The following MNS1 variants were observed in gnomAD, a reference collection of about 807,000 sequenced individuals.
MNS1 encodes the protein meiosis specific nuclear structural 1.
Under a neutral mutation model 72.0 loss-of-function variants are expected in MNS1, and 63 were observed. That is an observed-to-expected ratio of 0.87 (90% CI 0.71 to 1.08). MNS1 has a LOEUF of 1.08. MNS1 is among the 50% of genes least tolerant of loss of function. The pLI, the probability that MNS1 is intolerant of heterozygous loss-of-function variation, is 0.00. For synonymous variants in MNS1, 188 were observed against 172.1 expected, an observed-to-expected ratio of 1.09 and a Z score of -0.72; for missense variants, 604 against 562.4, an observed-to-expected ratio of 1.07 and a Z score of -0.75.
chr15:56,429,274 T>G, intron 9 of MNS1, 81 bp from the exon 10 acceptor site: 1 of 842,202 alleles, frequency 1.2e-6, no homozygotes, highest in Non-Finnish European at 1.9e-6. Context: ...AGACATAAGA[T>G]TAGTAAAGTT....
intron 2 of MNS1, 155 bp downstream of exon 2, chr15:56,463,871 C>T: frequency 1.6e-6 from 1 of 625,982 alleles, no homozygotes; most frequent in Admixed American, 3.2e-5. Context: ...GCTCCAGAAA[C>T]CCAGGTCTTT....
At chr15:56,452,415 G>A (rs2050953318) in intron 3 of MNS1, among the ~76,000 whole-genome samples, 1 of 152,120 alleles carries the variant, frequency 6.6e-6, no homozygotes. Context: ...GGTTCTTATT[G>A]GGGGTGGTAA....
chr15:56,461,681 A>AG (rs1567155192), intron 2 of MNS1, among the ~76,000 whole-genome samples: 2 of 146,966 alleles, frequency 1.4e-5, no homozygotes, highest in African/African-American at 2.5e-5. Context: ...AAAAAAAAAA[A>AG]ACGACACAGA....
In MNS1 at chr15:56,465,090, G is replaced by A; in HGVS notation, c.-118C>T. 4.3e-6 allele frequency: 6 copies of A among 1,402,706 alleles called. No homozygotes were observed. The South Asian group carries it at 5.1e-5, about 12-fold the overall frequency. 86.9% of individuals were successfully genotyped at this position (1,402,706 alleles called of 1,614,324 possible). A position where few individuals can be genotyped will look rare whatever the true frequency, so the allele number is the denominator to read the frequency against. ...GCTGCGCGCGCTCGGGTGTTTACGC[G>A]GCGTCTTGGCAACGGTGGAGCTGCG... is the stretch of plus-strand genomic sequence containing the variant. On this transcript the variant is annotated 5_prime_UTR_variant, in exon 1 of 10. Coordinates refer to ENST00000260453, the MANE Select transcript of MNS1 (RefSeq NM_018365.4).
At chr15:56,456,346 G>A in intron 3 of MNS1, 48 bp downstream of exon 3, 1 of 1,549,158 alleles carries the variant, frequency 6.5e-7, no homozygotes, top group Non-Finnish European at 8.7e-7. Context: ...TTACATAAGA[G>A]TTTAAAGATA....
At chr15:56,457,456 T>A (rs2050988580) in intron 2 of MNS1, among the ~76,000 whole-genome samples, 1 of 152,176 alleles carries the variant, frequency 6.6e-6, no homozygotes, top group Admixed American at 6.5e-5. Flanking sequence ...CAAGAAACTA[T>A]CACTCATATA....
At chr15:56,430,913 C>G (rs765962146) in intron 9 of MNS1, among the ~76,000 whole-genome samples, 34 of 152,178 alleles carry the variant, frequency 2.2e-4, no homozygotes, top group Non-Finnish European at 3.4e-4. Flanking sequence ...GCCCACCCAG[C>G]ACTTGGGGAG....
In MNS1 at chr15:56,446,934, A is replaced by G; in HGVS notation, c.363T>C (p.Leu121=). Reference sequence around the variant, plus strand: ...CTTTTAATTTCTTCTCCAATTCTCTAAGCTCAATGCTGTTTAAAAAAACAA... The same window carrying G: ...CTTTTAATTTCTTCTCCAATTCTCTGAGCTCAATGCTGTTTAAAAAAACAA... The part of the protein sequence containing the change: ...RQQVRENSIE[L]RELEKKLKAA... The change falls in exon 4 of 10, where the codon CTT becomes CTC. Residue 121 remains leucine, a synonymous_variant. Transcript: ENST00000260453. The G allele has an allele frequency of 1.9e-6, 3 of 1,607,156 alleles. No homozygotes were observed. The highest frequency in any genetic ancestry group is 1.7e-6 in the Non-Finnish European group (2 of 1,178,068).
chr15:56,433,664 G>C (rs192179379), intron 8 of MNS1, among the ~76,000 whole-genome samples: 1 of 152,116 alleles, frequency 6.6e-6, no homozygotes, highest in East Asian at 1.9e-4. Context: ...TACCTTCAAT[G>C]CTCTCACTTG....
In MNS1 at chr15:56,456,657, G is replaced by T. The variant is rs1305803372; in HGVS notation, c.226-136C>A. 4.4e-6 allele frequency: 4 copies of T among 902,378 alleles called. 1 individual carries two copies. Among genetic ancestry groups the T allele is most frequent in the South Asian group, 3.5e-5 (2 of 57,294 alleles). The allele number at this position is 902,378 out of a possible 1,614,324, so 55.9% of individuals were successfully genotyped here. ...GATGTTTTATTTTAAAATACAAAAT[G>T]TTGTTTCAATAAATACTTTTTCAAA... On this transcript the variant is annotated intron_variant, in intron 2 of 9. Coordinates refer to ENST00000260453, the MANE Select transcript of MNS1 (RefSeq NM_018365.4).
intron 2 of MNS1, among the ~76,000 whole-genome samples, chr15:56,461,966 T>TTTTTTG (rs1567155278): frequency 1.3e-5 from 1 of 78,240 alleles, no homozygotes; most frequent in Non-Finnish European, 2.5e-5. Context: ...AAAGTGTTTT[T>TTTTTTG]TTGTTGTTGT....
intron 7 of MNS1, among the ~76,000 whole-genome samples, chr15:56,439,151 C>G (rs2050778114): frequency 6.6e-6 from 1 of 151,980 alleles, no homozygotes; most frequent in African/African-American, 2.4e-5. Context: ...TACACGGACA[C>G]CAAAATAAAA....
At chr15:56,439,111 A>T (rs1297415618) in intron 7 of MNS1, among the ~76,000 whole-genome samples, 2 of 152,184 alleles carry the variant, frequency 1.3e-5, no homozygotes, top group African/African-American at 4.8e-5. Flanking sequence ...TACAAGATAA[A>T]CACAAAAATA....
At chr15:56,451,878 A>AT (rs113523896) in intron 3 of MNS1, among the ~76,000 whole-genome samples, 193 of 151,928 alleles carry the variant, frequency 1.3e-3, no homozygotes, top group African/African-American at 4.2e-3. Flanking sequence ...GATTGCCTAG[A>AT]TTTTTTTTTA....
chr15:56,444,220 T>C (rs547791771), intron 5 of MNS1, among the ~76,000 whole-genome samples: 327 of 152,204 alleles, frequency 2.1e-3, no homozygotes, highest in Admixed American at 5.5e-3. Flanking sequence ...AAGGTTTAGG[T>C]CATTCAATCA....
intron 1 of MNS1, 122 bp downstream of exon 1, chr15:56,464,848 T>C: frequency 7.1e-7 from 1 of 1,414,556 alleles, no homozygotes; most frequent in South Asian, 1.3e-5. Context: ...CGAAAGCAAA[T>C]ACAAGTTCCC....
In MNS1 at chr15:56,457,256, CTTTTA is replaced by C. The variant is rs1297739518; in HGVS notation, c.226-740_226-736del. 3.3e-5 allele frequency among the ~76,000 whole-genome samples: 5 copies of C among 152,152 alleles called. No individual in the cohort carries two copies. In the East Asian group the frequency reaches 5.8e-4, roughly 18 times the overall value. On this transcript the variant is annotated intron_variant, in intron 2 of 9. Transcript: ENST00000260453. ...GGATATATCACTGAACTTTTTTTCTCTTTTATATTTCCTGTAAAAATGGCAGAAAG... is the reference window on the plus strand; with the variant it reads ...GGATATATCACTGAACTTTTTTTCTCTATTTCCTGTAAAAATGGCAGAAAG...
At chr15:56,436,003 T>C (rs1334062432) in intron 7 of MNS1, among the ~76,000 whole-genome samples, 1 of 152,030 alleles carries the variant, frequency 6.6e-6, no homozygotes, top group African/African-American at 2.4e-5. Flanking sequence ...AAAATCAATG[T>C]AATATACTTG....
At chr15:56,463,219 A>G (rs1017228376) in intron 2 of MNS1, among the ~76,000 whole-genome samples, 9 of 152,162 alleles carry the variant, frequency 5.9e-5, no homozygotes, top group African/African-American at 2.2e-4. Flanking sequence ...TTCATTTTCT[A>G]CCACTTAATA....
Sources: allele counts gnomAD v4.1 joint callset (sites outside exome capture counted in the v4.1 genomes callset), GRCh38; gene constraint gnomAD v4.1.1; transcripts MANE v1.5; gene names NCBI Gene and HGNC (gene_info 2026-07-23, HGNC 2026-07-21).